Variants in SYT1 observed in about 807,000 individuals in gnomAD.
SYT1 encodes synaptotagmin 1, also known as synaptotagmin-1.
A neutral mutation model predicts 44.8 loss-of-function variants in SYT1; 8 were observed. The ratio of observed to expected loss-of-function variants is 0.18; its 90% CI spans 0.10 to 0.32. The LOEUF (loss-of-function observed/expected upper bound fraction) is 0.32. Ranked by LOEUF, SYT1 falls within the 10% of genes least tolerant of loss-of-function variation. The probability of loss-of-function intolerance (pLI) is 1.00; values close to 1 mark genes in which losing one functional copy is unlikely to be tolerated. For synonymous variants in SYT1, 154 were observed against 188.8 expected (o/e 0.82, Z 1.51); for missense variants, 286 against 509.3 (o/e 0.56, Z 4.22).
intron 3 of SYT1, among the ~76,000 whole-genome samples, chr12:79,204,133 T>C (rs531230186): frequency 1.4e-4 from 21 of 152,346 alleles, no homozygotes; most frequent in African/African-American, 5.0e-4. Context: ...TGTAATAATA[T>C]TGCCTGACTC....
At chr12:79,211,246 G>A (rs1193959740) in intron 3 of SYT1, among the ~76,000 whole-genome samples, 1 of 151,864 alleles carries the variant, frequency 6.6e-6, no homozygotes, top group East Asian at 1.9e-4. Context: ...GTTTATAGAT[G>A]GCTACCTTTT....
At chr12:78,992,693 C>T (rs2137491344) in intron 2 of SYT1, among the ~76,000 whole-genome samples, 1 of 152,280 alleles carries the variant, frequency 6.6e-6, no homozygotes, top group Middle Eastern at 3.4e-3. Flanking sequence ...ATAGAGAGCA[C>T]AGACTGGCAT....
chr12:79,172,986 AAAAAAAAAAAAAAAAAAAAAG>A (rs1337096334), intron 3 of SYT1, among the ~76,000 whole-genome samples: 5 of 140,626 alleles, frequency 3.6e-5, no homozygotes, highest in Non-Finnish European at 7.6e-5. Context: ...AAAAAAAAAA[AAAAAAAAAAAAAAAAAAAAAG>A]GGAGTTTGGC....
At position 79,243,123 on chromosome 12, in the gene SYT1, A is replaced by C. The variant is rs201787424; in HGVS notation, c.166+25438A>C. ...CTATCATGAGAACAGCAGGGGAAAA[A>C]CCAGCCCCCATGATTCAATTACCTC... On this transcript the variant is annotated intron_variant, in intron 4 of 10. Coordinates refer to ENST00000261205, the MANE Select transcript of SYT1 (RefSeq NM_005639.3). Among the ~76,000 whole-genome samples the C allele has an allele frequency of 4.0e-5, 6 of 149,216 alleles. No individual in the cohort carries two copies. In the East Asian group the frequency reaches 9.8e-4, roughly 24 times the overall value.
intron 4 of SYT1, among the ~76,000 whole-genome samples, chr12:79,218,412 T>C (rs1874945582): frequency 6.6e-6 from 1 of 152,174 alleles, no homozygotes; most frequent in Admixed American, 6.5e-5. Flanking sequence ...TATTCCACAA[T>C]GTATCAAAAT....
At chr12:79,197,822 C>T (rs1281914925) in intron 3 of SYT1, among the ~76,000 whole-genome samples, 1 of 152,120 alleles carries the variant, frequency 6.6e-6, no homozygotes, top group East Asian at 1.9e-4. Context: ...TAGAGTGACT[C>T]AAATTTGATC....
At chr12:79,273,601 GCCTTAAC>G (rs1478627436) in intron 4 of SYT1, among the ~76,000 whole-genome samples, 1 of 152,138 alleles carries the variant, frequency 6.6e-6, no homozygotes, top group African/African-American at 2.4e-5. Context: ...ACAGGGGAGC[GCCTTAAC>G]CCTACCCAGC....
chr12:79,074,181 A>G (rs1292510439), intron 3 of SYT1, among the ~76,000 whole-genome samples: 1 of 152,180 alleles, frequency 6.6e-6, no homozygotes, highest in Non-Finnish European at 1.5e-5. Context: ...CACCATATAC[A>G]GGACTTTAAT....
intron 1 of SYT1, among the ~76,000 whole-genome samples, chr12:78,951,882 C>G (rs1052960162): frequency 3.3e-5 from 5 of 152,226 alleles, no homozygotes; most frequent in African/African-American, 1.2e-4. Context: ...GCATCTCTGG[C>G]GTCTGCACTT....
At chr12:79,203,300 A>G (rs1207266430) in intron 3 of SYT1, among the ~76,000 whole-genome samples, 2 of 152,170 alleles carry the variant, frequency 1.3e-5, no homozygotes, top group Non-Finnish European at 2.9e-5. Context: ...CTCGCTGTCC[A>G]TAGAGTATCT....
chr12:79,152,536 G>C (rs1456265403), intron 3 of SYT1, among the ~76,000 whole-genome samples: 1 of 151,988 alleles, frequency 6.6e-6, no homozygotes, highest in Non-Finnish European at 1.5e-5. Flanking sequence ...GGAATTATCT[G>C]TTATATGAGG....
At chr12:79,119,257 T>C (rs768293698) in intron 3 of SYT1, among the ~76,000 whole-genome samples, 1 of 152,180 alleles carries the variant, frequency 6.6e-6, no homozygotes, top group Non-Finnish European at 1.5e-5. Context: ...TCCATACTAC[T>C]GCTGGAGAAG....
chr12:79,437,984 G>A lies in SYT1; in HGVS notation c.929-6089G>A, dbSNP rs1014957898. On this transcript the variant is annotated intron_variant, in intron 9 of 10. Transcript: ENST00000261205. ...CATGCTCAAAGAGAGAAAAAGAAGA[G>A]AGCAAAGGAGAGTTTCGCAGGAAGG... Among the ~76,000 whole-genome samples the A allele has an allele frequency of 2.6e-5, 4 of 152,244 alleles. 1 individual carries two copies. The highest frequency in any genetic ancestry group is 3.4e-3 in the Middle Eastern group (1 of 294).
At chr12:79,285,214 A>G (rs1879249545) in intron 4 of SYT1, among the ~76,000 whole-genome samples, 1 of 152,252 alleles carries the variant, frequency 6.6e-6, no homozygotes, top group African/African-American at 2.4e-5. Context: ...TATATATACA[A>G]CTAATATCTG....
chr12:78,976,885 G>A (rs1451108915), intron 1 of SYT1, among the ~76,000 whole-genome samples: 1 of 151,936 alleles, frequency 6.6e-6, no homozygotes, highest in South Asian at 2.1e-4. Context: ...GTCTACCTGC[G>A]TTTTTATATT....
chr12:79,437,062 G>A (rs909753735), intron 9 of SYT1, among the ~76,000 whole-genome samples: 1 of 152,030 alleles, frequency 6.6e-6, no homozygotes, highest in Non-Finnish European at 1.5e-5. Flanking sequence ...GGTGAAGGAC[G>A]GCCAGTTCAA....
At chr12:79,061,003 A>G (rs573455692) in intron 3 of SYT1, among the ~76,000 whole-genome samples, 7 of 152,232 alleles carry the variant, frequency 4.6e-5, no homozygotes, top group African/African-American at 1.7e-4. Context: ...GTTTTGATAC[A>G]TTGACTGTTC....
intron 9 of SYT1, among the ~76,000 whole-genome samples, chr12:79,383,007 T>G (rs1428900463): frequency 6.6e-6 from 1 of 151,796 alleles, no homozygotes; most frequent in East Asian, 1.9e-4. Context: ...TATCCACACC[T>G]AAACGTAACT....
At chr12:79,039,792 T>G (rs1873408469) in intron 2 of SYT1, among the ~76,000 whole-genome samples, 1 of 114,418 alleles carries the variant, frequency 8.7e-6, no homozygotes, top group Non-Finnish European at 1.7e-5. Flanking sequence ...CCAACAACAG[T>G]CCCCAGAGTG....
Sources: gnomAD v4.1 joint callset for allele counts (sites outside exome capture counted in the v4.1 genomes callset) on GRCh38, gnomAD v4.1.1 for gene constraint, MANE v1.5 for transcripts, NCBI Gene and HGNC (gene_info 2026-07-23, HGNC 2026-07-21) for gene names.